Variants in SV2C observed in about 807,000 individuals in gnomAD.
SV2C encodes the protein solute carrier family 22 member B3.
SV2C carries 49 observed loss-of-function variants against 79.7 expected under a neutral mutation model. The ratio of observed to expected loss-of-function variants is 0.61; its 90% CI spans 0.49 to 0.78. The LOEUF (loss-of-function observed/expected upper bound fraction) is 0.78. SV2C is among the 30% of genes least tolerant of loss of function. SV2C has a pLI of 0.00. For missense variants in SV2C, 833 were observed against 912.9 expected (o/e 0.91, Z 1.13); for synonymous variants, 334 against 333.2 (o/e 1.00, Z -0.03).
At chr5:76,133,894 A>G (rs768838811) in intron 2 of SV2C, among the ~76,000 whole-genome samples, 26 of 152,352 alleles carry the variant, frequency 1.7e-4, no homozygotes, top group Non-Finnish European at 1.0e-4. Flanking sequence ...TGTAAAGAAG[A>G]TAGACCCTGA....
At chr5:76,213,568 C>T (rs1744832001) in intron 4 of SV2C, among the ~76,000 whole-genome samples, 1 of 152,150 alleles carries the variant, frequency 6.6e-6, no homozygotes, top group South Asian at 2.1e-4. Flanking sequence ...ACAAGAGACA[C>T]AGCATTGAGA....
the SV2C span, among the ~76,000 whole-genome samples, chr5:76,005,695 C>CT: frequency 2.0e-5 from 3 of 152,162 alleles, no homozygotes; most frequent in African/African-American, 7.2e-5. Flanking sequence ...AGCTGATAGA[C>CT]TTCTTGCTCA....
At chr5:75,903,136 A>G in the SV2C span, among the ~76,000 whole-genome samples, 1 of 152,326 alleles carries the variant, frequency 6.6e-6, no homozygotes, top group East Asian at 1.9e-4. Flanking sequence ...GGATTTAAAT[A>G]CTTGTCTCTC....
chr5:76,316,775 C>T (rs1302374067), intron 12 of SV2C, among the ~76,000 whole-genome samples: 1 of 152,122 alleles, frequency 6.6e-6, no homozygotes, highest in Non-Finnish European at 1.5e-5. Context: ...CTATTCCTTT[C>T]AGCACACTCC....
At chr5:76,248,227 G>A (rs1328209905) in intron 4 of SV2C, among the ~76,000 whole-genome samples, 1 of 152,178 alleles carries the variant, frequency 6.6e-6, no homozygotes, top group Non-Finnish European at 1.5e-5. Context: ...ATAACAAAGT[G>A]CCACAGACTG....
At chr5:76,341,115 C>T (rs1749433545) in intron 12 of SV2C, among the ~76,000 whole-genome samples, 1 of 151,916 alleles carries the variant, frequency 6.6e-6, no homozygotes, top group Non-Finnish European at 1.5e-5. Context: ...ATTTTTAGTA[C>T]AGACGGGTTT....
At chr5:76,252,057 GC>G (rs1746131077) in intron 4 of SV2C, among the ~76,000 whole-genome samples, 1 of 152,198 alleles carries the variant, frequency 6.6e-6, no homozygotes, top group African/African-American at 2.4e-5. Context: ...TAATTCCAGA[GC>G]TTTTTGATCT....
chr5:76,033,051 A>C, the SV2C span, among the ~76,000 whole-genome samples: 1 of 152,212 alleles, frequency 6.6e-6, no homozygotes, highest in African/African-American at 2.4e-5. Context: ...TCTTCTTTTG[A>C]GAAGTGTCTG....
chr5:75,866,757 G>T, the SV2C span, among the ~76,000 whole-genome samples: 1 of 152,044 alleles, frequency 6.6e-6, no homozygotes, highest in East Asian at 1.9e-4. Context: ...TAGAATTTAT[G>T]CCATAAGCAG....
intron 12 of SV2C, among the ~76,000 whole-genome samples, chr5:76,320,439 TAAC>T (rs1197109307): frequency 6.6e-6 from 1 of 152,184 alleles, no homozygotes. Flanking sequence ...CTTTGGCTAA[TAAC>T]AACGTGTCAA....
the SV2C span, among the ~76,000 whole-genome samples, chr5:75,885,029 C>G: frequency 6.6e-6 from 1 of 152,114 alleles, no homozygotes. Context: ...GTAATGCATT[C>G]ACGACTCAAC....
the SV2C span, among the ~76,000 whole-genome samples, chr5:76,046,650 G>A: frequency 1.3e-5 from 2 of 152,016 alleles, no homozygotes; most frequent in African/African-American, 2.4e-5. Context: ...ATAAATAAGC[G>A]CTATCATAAT....
At chr5:75,958,505 A>G in the SV2C span, among the ~76,000 whole-genome samples, 4 of 151,978 alleles carry the variant, frequency 2.6e-5, no homozygotes, top group Non-Finnish European at 5.9e-5. Flanking sequence ...GCTTCTAACA[A>G]TAACAGATTA....
intron 12 of SV2C, among the ~76,000 whole-genome samples, chr5:76,309,414 C>A (rs965780600): frequency 1.4e-4 from 21 of 151,850 alleles, no homozygotes; most frequent in African/African-American, 4.8e-4. Context: ...TCCTGGCTAA[C>A]AAGGTGAAAC....
At chr5:75,978,956 TGG>T in the SV2C span, among the ~76,000 whole-genome samples, 1 of 151,946 alleles carries the variant, frequency 6.6e-6, no homozygotes, top group Admixed American at 6.6e-5. Context: ...CACTCCAGCC[TGG>T]GCAACAAAGC....
At chr5:76,313,483 A>G (rs1392749751) in intron 12 of SV2C, among the ~76,000 whole-genome samples, 1 of 152,228 alleles carries the variant, frequency 6.6e-6, no homozygotes, top group Non-Finnish European at 1.5e-5. Flanking sequence ...CCATCAGGCA[A>G]TATATTACAA....
chr5:76,086,640 A>AGGTG (rs1160946), intron 1 of SV2C, among the ~76,000 whole-genome samples: 16 of 30,790 alleles, frequency 5.2e-4, no homozygotes, highest in Admixed American at 5.0e-3. Context: ...AGCCCCTGGC[A>AGGTG]TATATAGTTT....
chr5:76,150,425 C>T (rs1749566610), intron 2 of SV2C, among the ~76,000 whole-genome samples: 1 of 152,074 alleles, frequency 6.6e-6, no homozygotes, highest in Admixed American at 6.5e-5. Context: ...ATCCGCCCAC[C>T]TTGGCCTCCC....
At chr5:76,223,086 C>T (rs1047346414) in intron 4 of SV2C, among the ~76,000 whole-genome samples, 3 of 152,054 alleles carry the variant, frequency 2.0e-5, no homozygotes, top group Non-Finnish European at 2.9e-5. Context: ...CTTGTCTGTC[C>T]AGGCGATGCT....
Sources: gnomAD v4.1 joint callset for allele counts (sites outside exome capture counted in the v4.1 genomes callset) on GRCh38, gnomAD v4.1.1 for gene constraint, MANE v1.5 for transcripts, NCBI Gene and HGNC (gene_info 2026-07-23, HGNC 2026-07-21) for gene names.